MGST1: variants seen among roughly 807,000 people sequenced by gnomAD.
MGST1 encodes microsomal glutathione S-transferase 1, also known as glutathione S-transferase 12.
MGST1 carries 5 observed loss-of-function variants against 8.9 expected under a neutral mutation model. The ratio of observed to expected loss-of-function variants is 0.56; its 90% CI spans 0.29 to 1.19. The LOEUF (loss-of-function observed/expected upper bound fraction) is 1.19. Among genes scored for constraint, MGST1 ranks in the 50% most tolerant of loss-of-function variants. MGST1 has a pLI of 0.08. For synonymous variants in MGST1, 54 were observed against 67.8 expected, an observed-to-expected ratio of 0.80 and a Z score of 1.00; for missense variants, 182 against 187.4, an observed-to-expected ratio of 0.97 and a Z score of 0.17.
chr12:16,450,039 C>T (rs1015911881), intron 4 of MGST1, among the ~76,000 whole-genome samples: 1 of 151,932 alleles, frequency 6.6e-6, no homozygotes, highest in African/African-American at 2.4e-5. Context: ...TCTCCATTTT[C>T]ATCACTGTTG....
At chr12:16,443,403 C>T (rs564698395), downstream of MGST1, among the ~76,000 whole-genome samples, 2 of 151,780 alleles carry the variant, frequency 1.3e-5, no homozygotes, top group Admixed American at 1.3e-4. Flanking sequence ...TTCATCATCC[C>T]ATCTGCTCAT....
intron 1 of MGST1, among the ~76,000 whole-genome samples, chr12:16,422,646 A>G (rs568129187): frequency 2.0e-5 from 3 of 152,278 alleles, no homozygotes; most frequent in African/African-American, 7.2e-5. Context: ...TTCTGCACAC[A>G]TAGTCAATTG....
intron 4 of MGST1, among the ~76,000 whole-genome samples, chr12:16,445,743 T>C (rs1207213061): frequency 6.6e-6 from 1 of 151,960 alleles, no homozygotes; most frequent in African/African-American, 2.4e-5. Flanking sequence ...TACTAGTTGT[T>C]TGAATTTGTG....
At chr12:16,379,161 C>G (rs1940425452), downstream of MGST1, among the ~76,000 whole-genome samples, 1 of 152,136 alleles carries the variant, frequency 6.6e-6, no homozygotes, top group Non-Finnish European at 1.5e-5. Context: ...CCTGATTGTC[C>G]TGGCCAGAAC....
At chr12:16,398,651 C>A (rs1380596198) in intron 1 of MGST1, among the ~76,000 whole-genome samples, 1 of 152,230 alleles carries the variant, frequency 6.6e-6, no homozygotes, top group Non-Finnish European at 1.5e-5. Context: ...AGTATCATTG[C>A]TTTTTGTGTC....
intron 4 of MGST1, among the ~76,000 whole-genome samples, chr12:16,507,531 C>T (rs1710044852): frequency 6.6e-6 from 1 of 152,066 alleles, no homozygotes; most frequent in African/African-American, 2.4e-5. Context: ...TGGATTAGTT[C>T]TCACACTGCT....
intron 1 of MGST1, among the ~76,000 whole-genome samples, chr12:16,349,364 C>T (rs1156322613): frequency 2.6e-4 from 39 of 151,030 alleles, no homozygotes; most frequent in Non-Finnish European, 4.4e-5. Context: ...CTAGATAGTA[C>T]GGGGGTTTGG....
chr12:16,424,067 C>A (rs1940864720), intron 1 of MGST1, among the ~76,000 whole-genome samples: 1 of 152,184 alleles, frequency 6.6e-6, no homozygotes, highest in African/African-American at 2.4e-5. Context: ...TTTCTCTCTG[C>A]AACTAGACTG....
chr12:16,469,856 A>G (rs1941281103), intron 4 of MGST1, among the ~76,000 whole-genome samples: 1 of 152,228 alleles, frequency 6.6e-6, no homozygotes, highest in Non-Finnish European at 1.5e-5. Flanking sequence ...TTGAATAATC[A>G]AAGCATTTTT....
At chr12:16,528,372 T>C in intron 4 of MGST1, among the ~76,000 whole-genome samples, 1 of 149,444 alleles carries the variant, frequency 6.7e-6, no homozygotes, top group Middle Eastern at 3.4e-3. Context: ...GCAAGGACAA[T>C]AAAAATGAAT....
Position 16,430,362 on chromosome 12 carries a change from T to A in MGST1, n.779-7026T>A, listed in dbSNP as rs942792800. Among the ~76,000 whole-genome samples, 3 of 152,200 alleles carry A rather than the reference T, an allele frequency of 2.0e-5. No homozygotes were observed. The South Asian group carries it at 6.2e-4, about 32-fold the overall frequency. On this transcript the variant is annotated intron_variant and non_coding_transcript_variant, in intron 1 of 1. Transcript: ENST00000359720. ...ATGTTCTTAAGGGCATTTAGAAAGA[T>A]GAATCTTTTCTAGAAGGTTTTCAAT...
At chr12:16,365,743 G>GCACACACATACACACA (rs1555096029), downstream of MGST1, among the ~76,000 whole-genome samples, 31 of 100,374 alleles carry the variant, frequency 3.1e-4, no homozygotes, top group African/African-American at 1.5e-3. Context: ...GCGTGCACGC[G>GCACACACATACACACA]CACACACACA....
In MGST1 at chr12:16,513,917, A is replaced by T; in HGVS notation, n.483-75611A>T. On this transcript the variant is annotated intron_variant and non_coding_transcript_variant, in intron 4 of 4. Transcript: ENST00000538857. The surrounding 1 kb of genome is among the most constrained non-coding windows in gnomAD (Gnocchi z 4.2). ...GATACTGGCATGCAGCTACAAGGTTATCGATACTATGACCGCAAGACTTGC... is the reference window on the plus strand; with the variant it reads ...GATACTGGCATGCAGCTACAAGGTTTTCGATACTATGACCGCAAGACTTGC... 1 of 579,746 alleles carries T rather than the reference A, an allele frequency of 1.7e-6. No homozygotes were observed. Among genetic ancestry groups the T allele is most frequent in the Non-Finnish European group, 3.3e-6 (1 of 300,604 alleles). 35.9% of individuals were successfully genotyped at this position (579,746 alleles called of 1,614,324 possible).
intron 4 of MGST1, among the ~76,000 whole-genome samples, chr12:16,579,844 T>C (rs758980358): frequency 3.4e-4 from 51 of 152,220 alleles, no homozygotes; most frequent in Non-Finnish European, 6.9e-4. Flanking sequence ...GACAATCTAA[T>C]TTTTCAACCT....
intron 1 of MGST1, among the ~76,000 whole-genome samples, chr12:16,396,527 C>G (rs985726727): frequency 1.3e-5 from 2 of 151,992 alleles, no homozygotes; most frequent in Non-Finnish European, 2.9e-5. Context: ...GATTGTATAC[C>G]TAGAAAATCC....
intron 1 of MGST1, among the ~76,000 whole-genome samples, chr12:16,385,452 T>C (rs1470118030): frequency 6.6e-6 from 1 of 152,188 alleles, no homozygotes; most frequent in Admixed American, 6.5e-5. Context: ...TAATATTTGA[T>C]CTTATTACAC....
At chr12:16,375,715 A>T (rs980093669) in intron 3 of MGST1, among the ~76,000 whole-genome samples, 1 of 151,982 alleles carries the variant, frequency 6.6e-6, no homozygotes, top group Non-Finnish European at 1.5e-5. Context: ...ACTGAATTTG[A>T]ATTAGAAGTA....
chr12:16,417,480 G>C (rs1940797671), intron 1 of MGST1, among the ~76,000 whole-genome samples: 1 of 152,078 alleles, frequency 6.6e-6, no homozygotes, highest in Non-Finnish European at 1.5e-5. Context: ...TATCAACTTA[G>C]CTGTATAGTA....
At position 16,517,627 on chromosome 12, in the gene MGST1, C is replaced by G. The variant is rs929387485; in HGVS notation, n.483-71901C>G. ...TATAGTAGCACAAAATGAACCAAGA[C>G]AGCAGGTAAGCAAATCATGGAACAA... On this transcript the variant is annotated intron_variant and non_coding_transcript_variant, in intron 4 of 4. Transcript: ENST00000538857. The surrounding 1 kb of genome is among the most constrained non-coding windows in gnomAD (Gnocchi z 4.2). 2.6e-5 allele frequency among the ~76,000 whole-genome samples: 4 copies of G among 152,176 alleles called. No individual in the cohort carries two copies. The highest frequency in any genetic ancestry group is 5.9e-5 in the Non-Finnish European group (4 of 68,026).
Sources: gnomAD v4.1 joint callset for allele counts (sites outside exome capture counted in the v4.1 genomes callset) on GRCh38, gnomAD v4.1.1 for gene constraint, Gnocchi (gnomAD v3.1) non-coding constraint, MANE v1.5 for transcripts, NCBI Gene and HGNC (gene_info 2026-07-23, HGNC 2026-07-21) for gene names.